The following ZNG1B variants were observed in gnomAD, a reference collection of about 807,000 sequenced individuals.
ZNG1B encodes the protein zinc-regulated GTPase metalloprotein activator 1B.
At chr2:113,476,834 G>A in the ZNG1B span, among the ~76,000 whole-genome samples, 1 of 152,220 alleles carries the variant, frequency 6.6e-6, no homozygotes, top group Non-Finnish European at 1.5e-5. Flanking sequence ...CTGCTCGGGG[G>A]TCAGGGGTCA....
the ZNG1B span, among the ~76,000 whole-genome samples, chr2:113,476,688 C>G: frequency 0.27 from 39,369 of 147,604 alleles, 5,875 homozygotes; most frequent in East Asian, 0.51. Context: ...ATGTACAGAT[C>G]GGTTTTTGGT....
chr2:113,471,472 T>G, the ZNG1B span, among the ~76,000 whole-genome samples: 4 of 152,114 alleles, frequency 2.6e-5, no homozygotes, highest in Non-Finnish European at 5.9e-5. Context: ...TTGAGTTTTT[T>G]TTTAATTTAT....
the ZNG1B span, among the ~76,000 whole-genome samples, chr2:113,443,010 C>T: frequency 6.6e-6 from 1 of 150,884 alleles, no homozygotes; most frequent in Non-Finnish European, 1.5e-5. Flanking sequence ...GCTGTGTTGC[C>T]CAGGCTGGAG....
At chr2:113,441,843 G>A in the ZNG1B span, 3 of 187,986 alleles carry the variant, frequency 1.6e-5, no homozygotes, top group Non-Finnish European at 2.2e-5. Context: ...GGGTTAAAGT[G>A]ATTCTCCTGC....
chr2:113,496,155 G>C, the ZNG1B span: 2 of 132,320 alleles, frequency 1.5e-5, no homozygotes, highest in African/African-American at 2.7e-5. Flanking sequence ...TGAAATAAAA[G>C]GTTATGACTG....
the ZNG1B span, among the ~76,000 whole-genome samples, chr2:113,478,447 T>G: frequency 6.6e-6 from 1 of 151,828 alleles, no homozygotes; most frequent in Admixed American, 6.6e-5. Flanking sequence ...GACTAATTTT[T>G]TTTTTTAATT....
chr2:113,453,269 A>G, the ZNG1B span: 1 of 1,579,440 alleles, frequency 6.3e-7, no homozygotes, highest in South Asian at 1.2e-5. Flanking sequence ...TCTGAGACGG[A>G]GTCTCACTTT....
At chr2:113,491,393 G>GA in the ZNG1B span, among the ~76,000 whole-genome samples, 1 of 119,268 alleles carries the variant, frequency 8.4e-6, no homozygotes, top group African/African-American at 3.2e-5. Context: ...ACGTAAAGTG[G>GA]AAAAAGGATA....
At chr2:113,439,023 T>A in the ZNG1B span, 5 of 1,426,598 alleles carry the variant, frequency 3.5e-6, no homozygotes, top group Non-Finnish European at 4.8e-6. Context: ...CCCACAGTTA[T>A]TCAGAGGCTG....
chr2:113,491,776 GA>G, the ZNG1B span, among the ~76,000 whole-genome samples: 1 of 127,208 alleles, frequency 7.9e-6, no homozygotes, highest in Non-Finnish European at 1.7e-5. Context: ...AATCTACAAT[GA>G]ACTCCAACAA....
chr2:113,445,038 C>G, the ZNG1B span: 2 of 1,610,534 alleles, frequency 1.2e-6, no homozygotes, highest in Non-Finnish European at 1.7e-6. Context: ...TTAGAGACCA[C>G]TGGATTGGCA....
At chr2:113,465,899 C>T in the ZNG1B span, 24 of 984,986 alleles carry the variant, frequency 2.4e-5, 2 homozygotes, top group East Asian at 2.7e-3. Flanking sequence ...CAGCAGAGGC[C>T]TTAGGTGAAT....
chr2:113,478,407 C>T, the ZNG1B span, among the ~76,000 whole-genome samples: 1 of 151,992 alleles, frequency 6.6e-6, no homozygotes, highest in Non-Finnish European at 1.5e-5. Context: ...TCCCAAGAAG[C>T]TGGGACCACA....
At chr2:113,495,917 C>G in the ZNG1B span, 1 of 737,718 alleles carries the variant, frequency 1.4e-6, no homozygotes, top group Non-Finnish European at 2.0e-6. Context: ...ATTTAACATT[C>G]ATACAGTTAT....
chr2:113,468,408 C>G, the ZNG1B span, among the ~76,000 whole-genome samples: 1 of 150,826 alleles, frequency 6.6e-6, no homozygotes, highest in Non-Finnish European at 1.5e-5. Flanking sequence ...TTTTCACTCT[C>G]CTGTCCTTGG....
chr2:113,492,238 C>T, the ZNG1B span, among the ~76,000 whole-genome samples: 11 of 140,116 alleles, frequency 7.9e-5, 2 homozygotes, highest in Admixed American at 6.9e-4. Context: ...GGAAGCAACC[C>T]AAATGCCCAT....
chr2:113,473,605 A>G, the ZNG1B span, among the ~76,000 whole-genome samples: 2 of 151,268 alleles, frequency 1.3e-5, no homozygotes, highest in Admixed American at 6.6e-5. Flanking sequence ...CCCATTCAGT[A>G]TGATATTGGC....
chr2:113,437,907 T>A, the ZNG1B span: 10 of 1,611,772 alleles, frequency 6.2e-6, no homozygotes, highest in Non-Finnish European at 8.5e-6. Flanking sequence ...AGGAGGAGGA[T>A]CCTGCGGAGG....
At chr2:113,463,400 C>G in the ZNG1B span, among the ~76,000 whole-genome samples, 2 of 152,052 alleles carry the variant, frequency 1.3e-5, no homozygotes, top group African/African-American at 2.4e-5. Context: ...TTGAATCTGT[C>G]ATCTCAGTTC....
Sources: gnomAD v4.1 joint callset for allele counts (sites outside exome capture counted in the v4.1 genomes callset) on GRCh38, gnomAD v4.1.1 for gene constraint, MANE v1.5 for transcripts, NCBI Gene and HGNC (gene_info 2026-07-23, HGNC 2026-07-21) for gene names.